Variants in NID2 observed in about 807,000 individuals in gnomAD.
The protein encoded by NID2 is nidogen-2.
In NID2, 83 loss-of-function variants were observed where a neutral mutation model predicts 145.4. That is an observed-to-expected ratio of 0.57 (90% CI 0.48 to 0.69). NID2 has a LOEUF of 0.69. Among genes scored for constraint, NID2 ranks in the 30% least tolerant of loss-of-function variants. NID2 has a pLI of 0.00. For synonymous variants in NID2, 739 were observed against 701.3 expected (o/e 1.05, Z -0.85); for missense variants, 1,807 against 1,765.7 (o/e 1.02, Z -0.42).
intron 12 of NID2, among the ~76,000 whole-genome samples, chr14:52,026,676 T>C (rs1042176387): frequency 1.3e-5 from 2 of 152,236 alleles, no homozygotes; most frequent in African/African-American, 4.8e-5. Flanking sequence ...GCCTTGCAAA[T>C]GGTTTGGTGC....
chr14:52,015,329 C>T, intron 14 of NID2, 54 bp from the exon 15 acceptor site: 2 of 1,521,050 alleles, frequency 1.3e-6, no homozygotes, highest in South Asian at 1.2e-5. Flanking sequence ...GAGTCAAGGA[C>T]AGAATGCAAA....
chr14:52,060,261 G>T lies in NID2; in HGVS notation c.630C>A (p.Arg210=). ...GCTGGACATTGTAAGACTCTTTGGGGCGGGTTCCAAGGAACTGCAGGCCGT... is the reference window on the plus strand; with the variant it reads ...GCTGGACATTGTAAGACTCTTTGGGTCGGGTTCCAAGGAACTGCAGGCCGT... The part of the protein sequence containing the change: ...PANGLQFLGT[R]PKESYNVQLQ... Residue 210 remains arginine (R), a synonymous_variant, in exon 3 of 22, where the codon CGC becomes CGA. Coordinates refer to ENST00000216286, the MANE Select transcript of NID2 (RefSeq NM_007361.4). The T allele has an allele frequency of 6.2e-7, 1 of 1,613,812 alleles. No homozygotes were observed. Among genetic ancestry groups the T allele is most frequent in the South Asian group, 1.1e-5 (1 of 91,052 alleles).
chr14:52,049,173 C>CT (rs3837608), intron 5 of NID2, among the ~76,000 whole-genome samples: 77,779 of 150,242 alleles, frequency 0.52, 20,344 homozygotes, highest in South Asian at 0.6. Context: ...TTTTAAATCT[C>CT]TTTTTTTTCT....
intron 20 of NID2, 181 bp from the exon 21 acceptor site, chr14:52,006,030 AGCT>A (rs147831279): frequency 0.025 from 14,826 of 586,904 alleles, 265 homozygotes; most frequent in Non-Finnish European, 0.036. Context: ...GCTCATCTCT[AGCT>A]GCATGTTAGA....
intron 13 of NID2, among the ~76,000 whole-genome samples, chr14:52,019,693 C>T (rs1891333547): frequency 6.6e-6 from 1 of 152,206 alleles, no homozygotes; most frequent in Admixed American, 6.5e-5. Flanking sequence ...TAGCCAAGCT[C>T]CTCTAACACG....
At chr14:52,058,932 T>C (rs1239843903) in intron 3 of NID2, among the ~76,000 whole-genome samples, 1 of 151,846 alleles carries the variant, frequency 6.6e-6, no homozygotes, top group Non-Finnish European at 1.5e-5. Flanking sequence ...GAGTCCAGAC[T>C]AAGCGGCAGC....
chr14:52,050,152 A>G (rs1892639279), intron 5 of NID2, among the ~76,000 whole-genome samples: 1 of 152,326 alleles, frequency 6.6e-6, no homozygotes, highest in African/African-American at 2.4e-5. Context: ...CTGCCTCAGC[A>G]GGCTTAAGAA....
chr14:52,051,360 ACT>A (rs1892673467), intron 5 of NID2, among the ~76,000 whole-genome samples: 1 of 152,036 alleles, frequency 6.6e-6, no homozygotes, highest in Non-Finnish European at 1.5e-5. Context: ...GTCTTCATTA[ACT>A]CTGTTTTAGA....
At position 52,028,756 on chromosome 14, in the gene NID2, A is replaced by G; in HGVS notation, c.2496T>C (p.Gly832=). The change falls in exon 11 of 22, where the codon GGT becomes GGC. Residue 832 remains glycine (G), a synonymous_variant. Transcript: ENST00000216286. ...TATGCCGGTCATCTGCAAACTCATAACCACTCCGGCACTCACACCTGTAGC... is the reference window on the plus strand; with the variant it reads ...TATGCCGGTCATCTGCAAACTCATAGCCACTCCGGCACTCACACCTGTAGC... ...PGSYRCECRS[G]YEFADDRHTC... 1 of 1,613,930 alleles carries G rather than the reference A, an allele frequency of 6.2e-7. No homozygotes were observed. The highest frequency in any genetic ancestry group is 8.5e-7 in the Non-Finnish European group (1 of 1,179,922).
intron 5 of NID2, among the ~76,000 whole-genome samples, chr14:52,050,851 G>C (rs958785701): frequency 2.6e-5 from 4 of 152,164 alleles, no homozygotes; most frequent in Non-Finnish European, 5.9e-5. Flanking sequence ...GGGCAATTCT[G>C]AGGACTAACT....
chr14:52,042,080 C>T (rs775690888), intron 7 of NID2, 25 bp downstream of exon 7: 43 of 1,558,486 alleles, frequency 2.8e-5, no homozygotes, highest in Non-Finnish European at 3.4e-5. Flanking sequence ...TGCTGACTAC[C>T]GGCCTTCTCA....
rs779489119 is a variant in NID2, at chr14:52,053,747, G to C, written c.1261C>G (p.Gln421Glu). The C allele has an allele frequency of 2.5e-6, 4 of 1,614,222 alleles. No individual in the cohort carries two copies. The South Asian group carries it at 3.3e-5, about 13-fold the overall frequency. Residue 421 changes from glutamine (Q) to glutamate (E), a missense_variant, in exon 5 of 22, where the codon CAG becomes GAG. By Grantham distance (29) the Gln-to-Glu change is conservative. Coordinates refer to ENST00000216286, the MANE Select transcript of NID2 (RefSeq NM_007361.4). ...ACTGGCCCTCCATCTGGGTAGGGCT[G>C]GATGCTTCCGTTTTCGGGGTACGGT... ...PPPYPENGSIQPYPDGGPVPS... is the reference protein window; with the variant it reads ...PPPYPENGSIEPYPDGGPVPS...
chr14:52,041,176 C>T (rs780057255), intron 7 of NID2, among the ~76,000 whole-genome samples: 1 of 117,576 alleles, frequency 8.5e-6, no homozygotes, highest in Non-Finnish European at 2.0e-5. Flanking sequence ...ATAAACCTAA[C>T]AACAAAAAAA....
rs1047188185 is a variant in NID2 at position 52,042,919 on chromosome 14, T to C, written c.1442A>G (p.Asn481Ser). 2 of 1,614,166 alleles carry C rather than the reference T, an allele frequency of 1.2e-6. No homozygotes were observed. Among genetic ancestry groups the C allele is most frequent in the Non-Finnish European group, 1.7e-6 (2 of 1,180,032 alleles). Reference sequence around the variant, plus strand: ...TTCACAGGTTTCCTTGTTGGCAGCATTATACGTGAAGACTGAAAAATAAAA... The same window carrying C: ...TTCACAGGTTTCCTTGTTGGCAGCACTATACGTGAAGACTGAAAAATAAAA... The part of the protein sequence containing the change: ...IGSNTEVFTY[N>S]AANKETCEHN... Residue 481 changes from asparagine (N) to serine (S), a missense_variant, in exon 6 of 22, where the codon AAT (asparagine) becomes AGT (serine). Physicochemically the swap from Asn to Ser is conservative, Grantham distance 46. Transcript: ENST00000216286.
chr14:52,065,589 G>C (rs1221875258), intron 2 of NID2, among the ~76,000 whole-genome samples: 2 of 124,834 alleles, frequency 1.6e-5, no homozygotes, highest in Non-Finnish European at 3.2e-5. Context: ...GTGCCATGCT[G>C]GTGCGCTGCA....
chr14:52,043,313 A>G (rs1892354948), intron 5 of NID2, among the ~76,000 whole-genome samples: 1 of 152,238 alleles, frequency 6.6e-6, no homozygotes, highest in Admixed American at 6.5e-5. Flanking sequence ...ACACATCCTG[A>G]GAGGAAGACA....
At chr14:52,068,712 G>T in intron 1 of NID2, 55 bp downstream of exon 1, 1 of 1,492,908 alleles carries the variant, frequency 6.7e-7, no homozygotes, top group Non-Finnish European at 9.2e-7. Flanking sequence ...GTTTCCGTGA[G>T]ACCGACCCCA....
intron 8 of NID2, 92 bp downstream of exon 8, chr14:52,040,559 G>T (rs1566762474): frequency 9.4e-7 from 1 of 1,068,934 alleles, no homozygotes; most frequent in Non-Finnish European, 1.5e-6. Context: ...ACTGTTCTAA[G>T]GACATGCCAT....
At chr14:52,053,220 G>A (rs1236690865) in intron 5 of NID2, among the ~76,000 whole-genome samples, 1 of 152,174 alleles carries the variant, frequency 6.6e-6, no homozygotes, top group Non-Finnish European at 1.5e-5. Flanking sequence ...GTCCATCACT[G>A]GAATGTGTAT....
Sources: gnomAD v4.1 joint callset for allele counts (sites outside exome capture counted in the v4.1 genomes callset) on GRCh38, gnomAD v4.1.1 for gene constraint, MANE v1.5 for transcripts, NCBI Gene and HGNC (gene_info 2026-07-23, HGNC 2026-07-21) for gene names.